Variants in MACROD1 observed in about 807,000 individuals in gnomAD.
MACROD1 encodes the protein ADP-ribose glycohydrolase MACROD1.
MACROD1 carries 31 observed loss-of-function variants against 41.4 expected under a neutral mutation model. The ratio of observed to expected loss-of-function variants is 0.75; its 90% CI spans 0.56 to 1.01. The LOEUF (loss-of-function observed/expected upper bound fraction) is 1.01, where lower values mean the gene tolerates loss of function less well. MACROD1 is among the 50% of genes least tolerant of loss of function. MACROD1 has a pLI of 0.00. For synonymous variants in MACROD1, 252 were observed against 203.4 expected (o/e 1.24, Z -2.03); for missense variants, 473 against 460.0 (o/e 1.03, Z -0.26).
intron 4 of MACROD1, among the ~76,000 whole-genome samples, chr11:64,012,609 T>C (rs1460416915): frequency 6.6e-6 from 1 of 152,074 alleles, no homozygotes; most frequent in South Asian, 2.1e-4. Context: ...CCATGTTGGC[T>C]AGGCTTGTCT....
chr11:64,155,773 G>A (rs905096379), intron 1 of MACROD1, among the ~76,000 whole-genome samples: 9 of 152,012 alleles, frequency 5.9e-5, no homozygotes, highest in Non-Finnish European at 1.0e-4. Flanking sequence ...AGACCAGCCT[G>A]GACAATATGG....
intron 3 of MACROD1, among the ~76,000 whole-genome samples, chr11:64,107,321 A>T (rs1433713635): frequency 6.6e-6 from 1 of 152,240 alleles, no homozygotes; most frequent in Non-Finnish European, 1.5e-5. Flanking sequence ...GAACAAAATT[A>T]CACGTGTCTC....
intron 3 of MACROD1, among the ~76,000 whole-genome samples, chr11:64,084,392 C>A (rs1264107959): frequency 6.6e-6 from 1 of 152,220 alleles, no homozygotes; most frequent in South Asian, 2.1e-4. Flanking sequence ...TCTGCCCCCG[C>A]TGCCTGAGCT....
intron 3 of MACROD1, among the ~76,000 whole-genome samples, chr11:64,094,052 T>C (rs1944535056): frequency 6.6e-6 from 1 of 152,170 alleles, no homozygotes; most frequent in South Asian, 2.1e-4. Context: ...ATCCCAGCAC[T>C]TTGGGAGGCC....
At position 64,138,560 on chromosome 11, in the gene MACROD1, C is replaced by T. The variant is rs558446722; in HGVS notation, c.517+12679G>A. The T allele has an allele frequency of 3.5e-4, 345 of 985,396 alleles. 2 individuals are homozygous for T. The African/African-American group carries it at 5.4e-3, about 15-fold the overall frequency. 61.0% of individuals were successfully genotyped at this position (985,396 alleles called of 1,614,324 possible). On this transcript the variant is annotated intron_variant, in intron 3 of 10. Coordinates refer to ENST00000255681, the MANE Select transcript of MACROD1 (RefSeq NM_014067.4). Reference sequence around the variant, plus strand: ...AAACCGTACCTGAAATACAGCCAGGCGGCAATAATAAAACAGCCGCGGGCC... The same window carrying T: ...AAACCGTACCTGAAATACAGCCAGGTGGCAATAATAAAACAGCCGCGGGCC...
intron 3 of MACROD1, among the ~76,000 whole-genome samples, chr11:64,053,900 G>A (rs478294): frequency 0.15 from 22,241 of 152,148 alleles, 2,017 homozygotes; most frequent in Non-Finnish European, 0.2. Flanking sequence ...GGTTGCTTCC[G>A]TCATCCCCCC....
At chr11:64,002,629 C>A (rs1942844887) in intron 4 of MACROD1, among the ~76,000 whole-genome samples, 1 of 152,174 alleles carries the variant, frequency 6.6e-6, no homozygotes, top group Admixed American at 6.5e-5. Flanking sequence ...CACACACCAG[C>A]CTTCTCGCTC....
At chr11:64,035,424 G>A (rs1446009455) in intron 3 of MACROD1, among the ~76,000 whole-genome samples, 2 of 152,146 alleles carry the variant, frequency 1.3e-5, no homozygotes, top group African/African-American at 4.8e-5. Flanking sequence ...TGGATGGCTG[G>A]AGGGATGGTT....
intron 4 of MACROD1, among the ~76,000 whole-genome samples, chr11:64,010,680 T>TTGGGGTGTTGGC (rs1942996464): frequency 6.7e-6 from 1 of 149,386 alleles, no homozygotes; most frequent in African/African-American, 2.5e-5. Context: ...GGTGTGTTGG[T>TTGGGGTGTTGGC]TGGGGTGTTG....
Position 64,090,124 on chromosome 11 carries a change from C to G in MACROD1, c.517+61115G>C, listed in dbSNP as rs185860548. 6.6e-6 allele frequency among the ~76,000 whole-genome samples: 1 copy of G among 152,244 alleles called. No homozygotes were observed. The highest frequency in any genetic ancestry group is 1.9e-4 in the East Asian group (1 of 5,182). ...GCTGGGGGAGGGGAAGATATGCACC[C>G]TCTCCCCACGGGGCTAGGGACTCAT... On this transcript the variant is annotated intron_variant, in intron 3 of 10. Coordinates refer to ENST00000255681, the MANE Select transcript of MACROD1 (RefSeq NM_014067.4). The surrounding 1 kb of genome is among the most constrained non-coding windows in gnomAD (Gnocchi z 4.7).
At chr11:64,117,638 C>G in intron 3 of MACROD1, 1 of 1,613,776 alleles carries the variant, frequency 6.2e-7, no homozygotes, top group Non-Finnish European at 8.5e-7. Context: ...CGTGGAAGGC[C>G]ACGCTCCCCG....
chr11:64,109,655 C>A (rs1944825266), intron 3 of MACROD1, among the ~76,000 whole-genome samples: 1 of 152,150 alleles, frequency 6.6e-6, no homozygotes, highest in Non-Finnish European at 1.5e-5. Flanking sequence ...CTCCACCCTG[C>A]CCCCAGCCTG....
chr11:64,079,592 C>T (rs987213099), intron 3 of MACROD1, among the ~76,000 whole-genome samples: 52 of 152,100 alleles, frequency 3.4e-4, no homozygotes, highest in South Asian at 2.5e-3. Context: ...GGGTCCTGGG[C>T]GTGGGGTGGG....
intron 3 of MACROD1, among the ~76,000 whole-genome samples, chr11:64,027,065 CA>C (rs1346011902): frequency 1.3e-5 from 2 of 152,204 alleles, no homozygotes; most frequent in East Asian, 3.9e-4. Context: ...TCCTGGATCC[CA>C]AAGGCCGGCA....
chr11:64,155,589 C>T (rs1945654997), intron 1 of MACROD1, among the ~76,000 whole-genome samples: 1 of 152,228 alleles, frequency 6.6e-6, no homozygotes, highest in Non-Finnish European at 1.5e-5. Flanking sequence ...GACACACTCA[C>T]TCCTTCCTGG....
intron 3 of MACROD1, among the ~76,000 whole-genome samples, chr11:64,136,994 T>C (rs1055871974): frequency 1.3e-5 from 2 of 152,238 alleles, no homozygotes; most frequent in African/African-American, 4.8e-5. Context: ...GCTGAATTCA[T>C]GCAGCCGCCT....
intron 3 of MACROD1, among the ~76,000 whole-genome samples, chr11:64,066,229 G>A (rs887427025): frequency 2.0e-5 from 3 of 149,592 alleles, no homozygotes; most frequent in Admixed American, 6.7e-5. Flanking sequence ...CCTGGGAGGC[G>A]GAGGTTGCAG....
At chr11:64,101,750 C>G (rs1260224136) in intron 3 of MACROD1, among the ~76,000 whole-genome samples, 1 of 152,220 alleles carries the variant, frequency 6.6e-6, no homozygotes, top group Non-Finnish European at 1.5e-5. Flanking sequence ...TAAGCCCCAC[C>G]GTACCCCTTC....
At chr11:64,136,363 T>C (rs1308775868) in intron 3 of MACROD1, among the ~76,000 whole-genome samples, 1 of 152,226 alleles carries the variant, frequency 6.6e-6, no homozygotes, top group Admixed American at 6.5e-5. Flanking sequence ...TTATGGTCTC[T>C]ATAGCATAGC....
Sources: gnomAD v4.1 joint callset for allele counts (sites outside exome capture counted in the v4.1 genomes callset) on GRCh38, gnomAD v4.1.1 for gene constraint, Gnocchi (gnomAD v3.1) non-coding constraint, MANE v1.5 for transcripts, NCBI Gene and HGNC (gene_info 2026-07-23, HGNC 2026-07-21) for gene names.